The following SHANK2 variants were observed in gnomAD, a reference collection of about 807,000 sequenced individuals.
The protein encoded by SHANK2 is SH3 and multiple ankyrin repeat domains 2, also known as SH3 and multiple ankyrin repeat domains protein 2.
SHANK2 carries 43 observed loss-of-function variants against 133.7 expected under a neutral mutation model. The ratio of observed to expected loss-of-function variants is 0.32; its 90% CI spans 0.25 to 0.41. The LOEUF is 0.41. Ranked by LOEUF, SHANK2 falls within the 10% of genes least tolerant of loss-of-function variation. The pLI, the probability that SHANK2 is intolerant of heterozygous loss-of-function variation, is 1.00. For missense variants in SHANK2, 1,994 were observed against 2,235.8 expected (o/e 0.89, Z 2.18); for synonymous variants, 1,017 against 952.8 (o/e 1.07, Z -1.24).
intron 10 of SHANK2, among the ~76,000 whole-genome samples, chr11:70,930,538 C>T (rs1195924272): frequency 6.6e-6 from 1 of 152,078 alleles, no homozygotes; most frequent in Non-Finnish European, 1.5e-5. Flanking sequence ...CTCACCTGGC[C>T]AATGTGAGCT....
intron 17 of SHANK2, among the ~76,000 whole-genome samples, chr11:70,647,978 T>C (rs2134195160): frequency 6.6e-6 from 1 of 152,362 alleles, no homozygotes; most frequent in Admixed American, 6.5e-5. Flanking sequence ...GTCGACATTA[T>C]TCACAACCAT....
intron 14 of SHANK2, among the ~76,000 whole-genome samples, chr11:70,734,222 G>A (rs960022215): frequency 2.0e-5 from 3 of 152,220 alleles, no homozygotes; most frequent in East Asian, 1.9e-4. Context: ...CCAGGGCACC[G>A]TGACGGGGGA....
At chr11:71,106,689 C>A (rs189733816) in intron 6 of SHANK2, among the ~76,000 whole-genome samples, 1 of 152,292 alleles carries the variant, frequency 6.6e-6, no homozygotes, top group East Asian at 1.9e-4. Flanking sequence ...TATGGTGGCA[C>A]GTGCCTGTAG....
chr11:70,866,983 G>A (rs189087563), intron 11 of SHANK2, among the ~76,000 whole-genome samples: 151 of 152,144 alleles, frequency 9.9e-4, no homozygotes, highest in African/African-American at 3.5e-3. Context: ...CACCCCAGCA[G>A]ACAAGGCCTG....
chr11:70,874,897 G>A (rs140555321), intron 11 of SHANK2, among the ~76,000 whole-genome samples: 194 of 152,242 alleles, frequency 1.3e-3, no homozygotes, highest in Middle Eastern at 3.4e-3. Flanking sequence ...AGGCCATTCC[G>A]GACCCTGCAG....
chr11:70,754,355 C>T (rs1555038189), intron 14 of SHANK2, among the ~76,000 whole-genome samples: 1 of 152,146 alleles, frequency 6.6e-6, no homozygotes. Context: ...GACACAGATC[C>T]TTAAAATATT....
intron 14 of SHANK2, among the ~76,000 whole-genome samples, chr11:70,766,147 G>A (rs554916238): frequency 3.2e-4 from 49 of 152,298 alleles, no homozygotes; most frequent in African/African-American, 1.1e-3. Flanking sequence ...TGAACCTTTC[G>A]CTCTTCCTCT....
intron 14 of SHANK2, among the ~76,000 whole-genome samples, chr11:70,707,372 CAAAA>C (rs1172194976): frequency 6.9e-5 from 4 of 57,874 alleles, no homozygotes; most frequent in Non-Finnish European, 8.8e-5. Flanking sequence ...AACTCCATCT[CAAAA>C]AAAAAAAAAA....
chr11:71,200,444 G>A (rs74748300), intron 2 of SHANK2, among the ~76,000 whole-genome samples: 5,701 of 152,136 alleles, frequency 0.037, 258 homozygotes, highest in Admixed American at 0.15. Flanking sequence ...ATTTTCACTC[G>A]TACCTATGAT....
In SHANK2 at chr11:70,781,558, T is replaced by TTTTATATATATATATATATATA. The variant is rs1555045156; in HGVS notation, c.1777+16884_1777+16885insTATATATATATATATATATAAA. ...AAGCAGCTTGCAATTTACTTACTTATTATATATATATATATATATATATAT... is the reference window on the plus strand; with the variant it reads ...AAGCAGCTTGCAATTTACTTACTTATTTTATATATATATATATATATATATATATATATATATATATATATAT... On this transcript the variant is annotated intron_variant, in intron 14 of 25. Coordinates refer to ENST00000601538, the MANE Select transcript of SHANK2 (RefSeq NM_012309.5). 6.1e-3 allele frequency among the ~76,000 whole-genome samples: 175 copies of TTTTATATATATATATATATATA among 28,916 alleles called. 6 individuals are homozygous for TTTTATATATATATATATATATA. Among genetic ancestry groups the TTTTATATATATATATATATATA allele is most frequent in the African/African-American group, 0.016 (157 of 9,554 alleles). 19.0% of individuals were successfully genotyped at this position (28,916 alleles called of 152,430 possible).
intron 6 of SHANK2, among the ~76,000 whole-genome samples, chr11:71,101,022 G>C (rs983750987): frequency 2.0e-5 from 3 of 152,116 alleles, no homozygotes; most frequent in Admixed American, 2.0e-4. Flanking sequence ...GGTGGGTACA[G>C]GACAAGATGC....
chr11:70,547,607 C>T (rs568686496), intron 17 of SHANK2, among the ~76,000 whole-genome samples: 3 of 152,318 alleles, frequency 2.0e-5, no homozygotes, highest in African/African-American at 7.2e-5. Context: ...CAGCCCAGCA[C>T]AGAGCAGGTG....
chr11:70,644,012 G>C (rs999945747), intron 17 of SHANK2, among the ~76,000 whole-genome samples: 1 of 152,150 alleles, frequency 6.6e-6, no homozygotes. Flanking sequence ...GGGTTTGTAC[G>C]TGGCGGCGAG....
chr11:70,708,868 C>G lies in SHANK2; in HGVS notation c.1778-10105G>C, dbSNP rs932195194. Among the ~76,000 whole-genome samples the G allele has an allele frequency of 4.6e-5, 7 of 152,274 alleles. No individual in the cohort carries two copies. The East Asian group carries it at 5.8e-4, about 13-fold the overall frequency. On this transcript the variant is annotated intron_variant, in intron 14 of 25. Transcript: ENST00000601538. ...GCGTCCTGAAGAGGGGATTGAAAGG[C>G]CTTCTGATGTGTGGACCCCCCCTGC...
intron 10 of SHANK2, among the ~76,000 whole-genome samples, chr11:70,937,412 G>C (rs1175045582): frequency 6.6e-6 from 1 of 152,198 alleles, no homozygotes; most frequent in African/African-American, 2.4e-5. Context: ...GCTTCCCTGA[G>C]AGCCCGGTGA....
Position 70,569,842 on chromosome 11 carries a change from G to T in SHANK2, c.2062-66911C>A, listed in dbSNP as rs371598251. On this transcript the variant is annotated intron_variant, in intron 17 of 25. Coordinates refer to ENST00000601538, the MANE Select transcript of SHANK2 (RefSeq NM_012309.5). The surrounding 1 kb of genome is among the most constrained non-coding windows in gnomAD (Gnocchi z 5.1). ...CTCAGCCCGGGAAAAGGCTGAGGCC[G>T]GCACAAAGAAGCAAGGGCAGGAGGT... Among the ~76,000 whole-genome samples the T allele has an allele frequency of 6.6e-6, 1 of 152,104 alleles. No individual in the cohort carries two copies. The highest frequency in any genetic ancestry group is 1.5e-5 in the Non-Finnish European group (1 of 68,032).
chr11:71,065,719 G>A (rs1297230905), intron 9 of SHANK2, among the ~76,000 whole-genome samples: 1 of 141,160 alleles, frequency 7.1e-6, no homozygotes, highest in Non-Finnish European at 1.5e-5. Context: ...GAGTGGGGAA[G>A]TTGGGGGTGG....
Position 70,472,216 on chromosome 11 carries a change from A to G in SHANK2, c.*653T>C, listed in dbSNP as rs962791698. 5 of 153,564 alleles carry G rather than the reference A, an allele frequency of 3.3e-5. No homozygotes were observed. Among genetic ancestry groups the G allele is most frequent in the African/African-American group, 9.6e-5 (4 of 41,482 alleles). The allele number at this position is 153,564 out of a possible 1,614,324, so 9.5% of individuals were successfully genotyped here. On this transcript the variant is annotated 3_prime_UTR_variant, in exon 26 of 26. Coordinates refer to ENST00000601538, the MANE Select transcript of SHANK2 (RefSeq NM_012309.5). The surrounding 1 kb of genome is among the most constrained non-coding windows in gnomAD (Gnocchi z 4.4). Reference sequence around the variant, plus strand: ...GCACGATCCCATCCAAACTCCCAGCACTGCCAGGAACCTCATGGCCAAAGA... The same window carrying G: ...GCACGATCCCATCCAAACTCCCAGCGCTGCCAGGAACCTCATGGCCAAAGA...
chr11:71,088,084 T>C (rs1242741096), intron 8 of SHANK2, among the ~76,000 whole-genome samples: 1 of 152,114 alleles, frequency 6.6e-6, no homozygotes, highest in Non-Finnish European at 1.5e-5. Flanking sequence ...AATTGATGAT[T>C]CTCCATAATG....
Sources: allele counts gnomAD v4.1 joint callset (sites outside exome capture counted in the v4.1 genomes callset), GRCh38; gene constraint gnomAD v4.1.1; non-coding constraint Gnocchi (gnomAD v3.1); transcripts MANE v1.5; gene names NCBI Gene and HGNC (gene_info 2026-07-23, HGNC 2026-07-21).